The following TOGARAM1 variants were observed in gnomAD, a reference collection of about 807,000 sequenced individuals.
The protein encoded by TOGARAM1 is TOG array regulator of axonemal microtubules 1.
In TOGARAM1, 100 loss-of-function variants were observed where a neutral mutation model predicts 166.6. The observed-to-expected ratio is 0.60, with a 90% CI of 0.51 to 0.71. The LOEUF (loss-of-function observed/expected upper bound fraction) is 0.71. Among genes scored for constraint, TOGARAM1 ranks in the 30% least tolerant of loss-of-function variants. TOGARAM1 has a pLI of 0.00. For synonymous variants in TOGARAM1, 758 were observed against 763.8 expected, an observed-to-expected ratio of 0.99 and a Z score of 0.13; for missense variants, 2,029 against 2,102.7, an observed-to-expected ratio of 0.96 and a Z score of 0.69.
intron 8 of TOGARAM1, 52 bp from the exon 9 acceptor site, chr14:45,027,247 G>A: frequency 6.3e-7 from 1 of 1,579,424 alleles, no homozygotes; most frequent in East Asian, 2.3e-5. Context: ...TTGTTGTCTA[G>A]AGTACCATCA....
In TOGARAM1 at chr14:45,027,336, C is replaced by T; in HGVS notation, c.3366C>T (p.Cys1122=). The T allele has an allele frequency of 1.2e-6, 2 of 1,613,276 alleles. No individual in the cohort carries two copies. The highest frequency in any genetic ancestry group is 1.7e-6 in the Non-Finnish European group (2 of 1,179,798). Reference sequence around the variant, plus strand: ...GTTTAAGTTCAGCACCAGCAACCTGCAGCCAATCAGTGATATCTTCTGTGG... The same window carrying T: ...GTTTAAGTTCAGCACCAGCAACCTGTAGCCAATCAGTGATATCTTCTGTGG... ...FGSLSSAPAT[C]SQSVISSVEN... The change falls in exon 9 of 20, where the codon TGC becomes TGT. Residue 1122 remains cysteine, a synonymous_variant. Transcript: ENST00000361462.
intron 11 of TOGARAM1, among the ~76,000 whole-genome samples, chr14:45,036,370 G>A (rs756194615): frequency 1.6e-4 from 24 of 151,960 alleles, no homozygotes; most frequent in Admixed American, 2.0e-4. Flanking sequence ...AAACACCCTA[G>A]TGAGATTAGA....
chr14:44,965,141 C>T (rs1468390118), intron 1 of TOGARAM1, among the ~76,000 whole-genome samples: 1 of 152,092 alleles, frequency 6.6e-6, no homozygotes, highest in Non-Finnish European at 1.5e-5. Context: ...TCCATATTTG[C>T]TGAACCATTT....
intron 8 of TOGARAM1, among the ~76,000 whole-genome samples, chr14:45,026,957 GA>G (rs1323956036): frequency 6.6e-6 from 1 of 152,054 alleles, no homozygotes; most frequent in African/African-American, 2.4e-5. Flanking sequence ...GCAATGAGCC[GA>G]GATTGTGCCA....
chr14:45,034,076 GA>G (rs1439355564), intron 11 of TOGARAM1, among the ~76,000 whole-genome samples: 4 of 152,166 alleles, frequency 2.6e-5, no homozygotes, highest in Non-Finnish European at 5.9e-5. Context: ...AGAATCGCTT[GA>G]ACCTGGGAGG....
At chr14:45,052,593 C>T in intron 15 of TOGARAM1, 31 bp downstream of exon 15, 1 of 1,553,538 alleles carries the variant, frequency 6.4e-7, no homozygotes, top group South Asian at 1.2e-5. Flanking sequence ...TTATAAACAG[C>T]TTTATAAGCA....
chr14:44,970,710 C>T (rs1885838058), intron 1 of TOGARAM1, among the ~76,000 whole-genome samples: 2 of 152,004 alleles, frequency 1.3e-5, no homozygotes, highest in African/African-American at 4.8e-5. Context: ...GAAAGTTCCC[C>T]CTGTATTCCT....
Position 44,964,483 on chromosome 14 carries a change from T to G in TOGARAM1, c.2046+16T>G. ...TATAGAGCAGGTATGCTTCTCTAAT[T>G]TTCTTGAGTCGAAAGTGTGAAGAAT... is the stretch of plus-strand genomic sequence containing the variant. On this transcript the variant is annotated intron_variant, in intron 1 of 19. Transcript: ENST00000361462. 1.3e-6 allele frequency: 2 copies of G among 1,522,390 alleles called. No individual in the cohort carries two copies. Among genetic ancestry groups the G allele is most frequent in the Non-Finnish European group, 1.8e-6 (2 of 1,136,388 alleles). The allele number at this position is 1,522,390 out of a possible 1,614,324, so 94.3% of individuals were successfully genotyped here. A position where few individuals can be genotyped will look rare whatever the true frequency, so the allele number is the denominator to read the frequency against.
At chr14:45,054,237 A>T (rs1245390012) in intron 15 of TOGARAM1, among the ~76,000 whole-genome samples, 194 bp from the exon 16 acceptor site, 2 of 152,142 alleles carry the variant, frequency 1.3e-5, no homozygotes, top group Admixed American at 1.3e-4. Flanking sequence ...TTTTCCCATT[A>T]GTCACGTATT....
In TOGARAM1 at chr14:44,962,309, C is replaced by G. The variant is rs1885183226; in HGVS notation, c.-113C>G. 1 of 1,342,304 alleles carries G rather than the reference C, an allele frequency of 7.4e-7. No individual in the cohort carries two copies. Among genetic ancestry groups the G allele is most frequent in the African/African-American group, 1.5e-5 (1 of 67,458 alleles). The allele number at this position is 1,342,304 out of a possible 1,614,324, so 83.1% of individuals were successfully genotyped here. On this transcript the variant is annotated 5_prime_UTR_variant, in exon 1 of 20. Coordinates refer to ENST00000361462, the MANE Select transcript of TOGARAM1 (RefSeq NM_001308120.2). ...GGCCTGGCGGCAGGCTGAAGCTGTT[C>G]TTTTGCCTCTTCTGCAGCTTGGGGC...
intron 16 of TOGARAM1, among the ~76,000 whole-genome samples, chr14:45,056,998 C>T (rs907643985): frequency 2.6e-5 from 4 of 151,926 alleles, no homozygotes; most frequent in Non-Finnish European, 4.4e-5. Flanking sequence ...TGGTAGAATT[C>T]GACTGTGAAC....
rs201945385 is a variant in TOGARAM1, at chr14:44,963,344, A to G, written c.923A>G (p.Asn308Ser). The change falls in exon 1 of 20, where the codon AAT becomes AGT. Residue 308 changes from asparagine to serine, a missense_variant. By Grantham distance (46) the Asn-to-Ser change is conservative. This residue lies in a region of TOGARAM1 where 1,453 missense variants were observed against 1,432.2 expected (regional missense o/e 1.01). Coordinates refer to ENST00000361462, the MANE Select transcript of TOGARAM1 (RefSeq NM_001308120.2). The part of the protein sequence containing the change: ...RLPSALRRHY[N>S]RRLESQFGSQ... ...CCCTCTGCCCTGAGGAGACACTACAATCGCCGCCTGGAGTCCCAGTTTGGA... is the reference window on the plus strand; with the variant it reads ...CCCTCTGCCCTGAGGAGACACTACAGTCGCCGCCTGGAGTCCCAGTTTGGA... 86 of 1,614,016 alleles carry G rather than the reference A, an allele frequency of 5.3e-5. No individual in the cohort carries two copies. The highest frequency in any genetic ancestry group is 6.6e-5 in the Non-Finnish European group (78 of 1,180,020).
rs745918920 is a variant in TOGARAM1, at chr14:44,962,774, C to G, written c.353C>G (p.Ala118Gly). The G allele has an allele frequency of 1.1e-4, 173 of 1,612,836 alleles. No homozygotes were observed. Among genetic ancestry groups the G allele is most frequent in the Non-Finnish European group, 1.4e-4 (169 of 1,180,026 alleles). ...DPSEAFQALQ[A>G]ALPRRGGRLG... The stretch of plus-strand genomic sequence containing the variant: ...TCTGAGGCCTTCCAGGCTTTGCAAG[C>G]TGCTTTGCCGCGGCGGGGCGGTCGA... Residue 118 changes from alanine to glycine, a missense_variant, in exon 1 of 20, where the codon GCT (alanine) becomes GGT (glycine). This residue lies in a region of TOGARAM1 where 1,453 missense variants were observed against 1,432.2 expected (regional missense o/e 1.01). Coordinates refer to ENST00000361462, the MANE Select transcript of TOGARAM1 (RefSeq NM_001308120.2).
At chr14:45,036,432 A>G (rs998474840) in intron 11 of TOGARAM1, among the ~76,000 whole-genome samples, 1 of 152,200 alleles carries the variant, frequency 6.6e-6, no homozygotes, top group African/African-American at 2.4e-5. Context: ...CTGTTTAAAT[A>G]TATAGATACA....
intron 1 of TOGARAM1, among the ~76,000 whole-genome samples, chr14:44,965,869 A>ATTTTTTTT (rs747983176): frequency 5.0e-5 from 6 of 120,492 alleles, no homozygotes; most frequent in Admixed American, 8.3e-5. Flanking sequence ...ACAAATAGTA[A>ATTTTTTTT]TTTTTTTTTT....
chr14:44,981,696 C>CT (rs1252668240), intron 1 of TOGARAM1, among the ~76,000 whole-genome samples: 1 of 152,178 alleles, frequency 6.6e-6, no homozygotes, highest in African/African-American at 2.4e-5. Context: ...AAAGTTTGTG[C>CT]TTTTTTGTAT....
intron 18 of TOGARAM1, among the ~76,000 whole-genome samples, chr14:45,069,319 A>T (rs773464693): frequency 1.3e-5 from 2 of 152,122 alleles, no homozygotes; most frequent in Non-Finnish European, 2.9e-5. Flanking sequence ...CAGTGAGCCA[A>T]GATTGTACCA....
chr14:45,004,732 T>A (rs1459248938), intron 4 of TOGARAM1, among the ~76,000 whole-genome samples: 1 of 151,482 alleles, frequency 6.6e-6, no homozygotes, highest in Non-Finnish European at 1.5e-5. Flanking sequence ...GATTACAGGC[T>A]TGAGCCACTG....
At position 44,962,804 on chromosome 14, in the gene TOGARAM1, G is replaced by C; in HGVS notation, c.383G>C (p.Gly128Ala). The C allele has an allele frequency of 1.2e-6, 2 of 1,612,422 alleles. No individual in the cohort carries two copies. The highest frequency in any genetic ancestry group is 1.1e-5 in the South Asian group (1 of 91,086). ...AALPRRGGRL[G>A]FPRRKEALYR... Reference sequence around the variant, plus strand: ...TTGCCGCGGCGGGGCGGTCGACTTGGCTTCCCCCGACGCAAGGAAGCTTTG... The same window carrying C: ...TTGCCGCGGCGGGGCGGTCGACTTGCCTTCCCCCGACGCAAGGAAGCTTTG... The change falls in exon 1 of 20, where the codon GGC becomes GCC. Residue 128 changes from glycine to alanine, a missense_variant. Around this residue, in one of 2 missense-constraint regions of TOGARAM1, gnomAD observed 1,453 missense variants for 1,432.2 expected, o/e 1.01. Coordinates refer to ENST00000361462, the MANE Select transcript of TOGARAM1 (RefSeq NM_001308120.2).
Sources: gnomAD v4.1 joint callset for allele counts (sites outside exome capture counted in the v4.1 genomes callset) on GRCh38, gnomAD v4.1.1 for gene constraint, gnomAD v4.1.1 regional missense constraint, MANE v1.5 for transcripts, NCBI Gene and HGNC (gene_info 2026-07-23, HGNC 2026-07-21) for gene names.